The following SPDYE2 variants were observed in gnomAD, a reference collection of about 807,000 sequenced individuals.
SPDYE2 encodes the protein speedy protein E2.
For synonymous variants in SPDYE2, 2 were observed against 45.1 expected, an observed-to-expected ratio of 0.04 and a Z score of 3.83; for missense variants, 1 against 121.0, an observed-to-expected ratio of 0.01 and a Z score of 4.65.
Position 102,554,339 on chromosome 7 carries a change from G to C in SPDYE2, c.161-20G>C. 6.8e-7 allele frequency: 1 copy of C among 1,478,318 alleles called. No individual in the cohort carries two copies. Among genetic ancestry groups the C allele is most frequent in the East Asian group, 2.3e-5 (1 of 43,204 alleles). The allele number at this position is 1,478,318 out of a possible 1,614,324, so 91.6% of individuals were successfully genotyped here. ...ATCAGATGCAGAAGCATTACACGGT[G>C]GCCTGGTTTCTTTACTCAGCCCCTG... On this transcript the variant is annotated intron_variant, in intron 2 of 8. Coordinates refer to ENST00000507918, the Ensembl canonical transcript of SPDYE2.
intron 3 of SPDYE2, among the ~76,000 whole-genome samples, chr7:102,555,576 A>T (rs1800766899): frequency 9.5e-6 from 1 of 105,672 alleles, no homozygotes; most frequent in African/African-American, 3.3e-5. Flanking sequence ...TCGCACCACT[A>T]CACTCCAGCC....
At chr7:102,563,257 A>G in exon 9 of SPDYE2, 1 of 140,382 alleles carries the variant, frequency 7.1e-6, no homozygotes, top group East Asian at 2.1e-4. Flanking sequence ...CATGGTTTTT[A>G]TCTATGATAC....
At chr7:102,565,220 T>C (rs1365641929), downstream of SPDYE2, 1 of 90,502 alleles carries the variant, frequency 1.1e-5, no homozygotes, top group African/African-American at 2.8e-5. Flanking sequence ...CATGATACTT[T>C]CTTTCTCTTT....
intron 3 of SPDYE2, among the ~76,000 whole-genome samples, chr7:102,555,598 G>A (rs1325869039): frequency 1.0e-5 from 1 of 97,470 alleles, no homozygotes; most frequent in South Asian, 3.6e-4. Flanking sequence ...AGGCCACAAA[G>A]CAAGACTGTT....
At chr7:102,563,649 T>TA (rs1800958152), downstream of SPDYE2, 1 of 18,620 alleles carries the variant, frequency 5.4e-5, no homozygotes, top group East Asian at 7.0e-4. Flanking sequence ...TGCTGTTTTT[T>TA]ATGTAGAAAA....
intron 5 of SPDYE2, among the ~76,000 whole-genome samples, 160 bp downstream of exon 5, chr7:102,557,382 A>T (rs772820905): frequency 1.5e-5 from 2 of 131,368 alleles, no homozygotes; most frequent in Non-Finnish European, 1.6e-5. Context: ...TGTGTGTGTG[A>T]GACAGAGTCT....
chr7:102,562,984 A>G (rs1256015695), exon 9 of SPDYE2: 3 of 148,084 alleles, frequency 2.0e-5, no homozygotes, highest in Non-Finnish European at 4.5e-5. Flanking sequence ...AATTATTTAA[A>G]TATTATTTTA....
At chr7:102,556,719 CA>C (rs1800796361) in intron 4 of SPDYE2, among the ~76,000 whole-genome samples, 1 of 17,032 alleles carries the variant, frequency 5.9e-5, no homozygotes, top group African/African-American at 1.2e-4. Flanking sequence ...AATCAATAAA[CA>C]AAGAAAGTGG....
chr7:102,564,414 C>T (rs1586818928), downstream of SPDYE2: 1 of 148,042 alleles, frequency 6.8e-6, no homozygotes, highest in Admixed American at 6.7e-5. Flanking sequence ...TGTCTCCTCA[C>T]CCCCTCTCAA....
chr7:102,555,667 G>T lies in SPDYE2; in HGVS notation c.380-233G>T. ...AAAAAAAAAGGGACTCAGAGAGCCA[G>T]GGACCAGGGAAGGATATGAGGAAGT... On this transcript the variant is annotated intron_variant, in intron 3 of 8. Transcript: ENST00000507918. 4.8e-6 allele frequency: 2 copies of T among 413,760 alleles called. 1 individual carries two copies. The highest frequency in any genetic ancestry group is 8.5e-6 in the Non-Finnish European group (2 of 234,000). 25.6% of individuals were successfully genotyped at this position (413,760 alleles called of 1,614,324 possible).
At chr7:102,564,405 G>C (rs1400071488), downstream of SPDYE2, 100 of 145,512 alleles carry the variant, frequency 6.9e-4, no homozygotes, top group African/African-American at 2.3e-3. Context: ...CAGAGATTGT[G>C]TCTCCTCACC....
chr7:102,557,641 C>T (rs867395149), intron 5 of SPDYE2, among the ~76,000 whole-genome samples: 1 of 58,288 alleles, frequency 1.7e-5, no homozygotes, highest in African/African-American at 7.1e-5. Flanking sequence ...AGATTATAGA[C>T]GTCAGCCACT....
intron 2 of SPDYE2, among the ~76,000 whole-genome samples, chr7:102,553,724 C>CAAA (rs759172861): frequency 0.011 from 279 of 26,468 alleles, 53 homozygotes; most frequent in Admixed American, 0.042. Flanking sequence ...TACTGCACTC[C>CAAA]AAAAAAAGAA....
At chr7:102,557,304 C>T in intron 5 of SPDYE2, 82 bp downstream of exon 5, 1 of 564,836 alleles carries the variant, frequency 1.8e-6, no homozygotes, top group South Asian at 1.9e-5. Flanking sequence ...ACAGTTCTCC[C>T]TCCACCACCT....
At chr7:102,557,445 C>T (rs1289561750) in intron 5 of SPDYE2, among the ~76,000 whole-genome samples, 1 of 132,060 alleles carries the variant, frequency 7.6e-6, no homozygotes, top group African/African-American at 2.9e-5. Flanking sequence ...TCACTGCAGC[C>T]GATGCGTCCT....
At chr7:102,557,694 A>C (rs1276917746) in intron 5 of SPDYE2, among the ~76,000 whole-genome samples, 1,439 of 45,540 alleles carry the variant, frequency 0.032, no homozygotes, top group East Asian at 0.065. Flanking sequence ...GGCACCCACA[A>C]ATTTTTTTTT....
chr7:102,563,181 CT>C (rs1800942654), exon 9 of SPDYE2: 1 of 139,464 alleles, frequency 7.2e-6, no homozygotes, highest in Admixed American at 7.4e-5. Context: ...AGAGAGGATT[CT>C]TTTCATCCTA....
chr7:102,565,106 C>CT (rs1246279360), downstream of SPDYE2: 2 of 104,046 alleles, frequency 1.9e-5, no homozygotes, highest in Non-Finnish European at 4.7e-5. Context: ...CTTGGGTGTC[C>CT]TCAGACCACA....
downstream of SPDYE2, chr7:102,564,651 G>T (rs1292775124): frequency 6.6e-6 from 1 of 152,486 alleles, no homozygotes; most frequent in Non-Finnish European, 1.5e-5. Context: ...TTATAAGCAT[G>T]AGCCACTGCA....
Sources: gnomAD v4.1 joint callset for allele counts (sites outside exome capture counted in the v4.1 genomes callset) on GRCh38, gnomAD v4.1.1 for gene constraint, MANE v1.5 for transcripts, NCBI Gene and HGNC (gene_info 2026-07-23, HGNC 2026-07-21) for gene names.